Variants in JAKMIP1 observed in about 807,000 individuals in gnomAD.
JAKMIP1 encodes janus kinase and microtubule interacting protein 1.
In JAKMIP1, 33 loss-of-function variants were observed where a neutral mutation model predicts 113.0. That is an observed-to-expected ratio of 0.29 (90% CI 0.22 to 0.39). The LOEUF (loss-of-function observed/expected upper bound fraction) is 0.39. JAKMIP1 is among the 10% of genes least tolerant of loss of function. JAKMIP1 has a pLI of 1.00. For missense variants in JAKMIP1, 813 were observed against 1,080.5 expected, an observed-to-expected ratio of 0.75 and a Z score of 3.47; for synonymous variants, 480 against 459.9, an observed-to-expected ratio of 1.04 and a Z score of -0.56.
intron 3 of JAKMIP1, among the ~76,000 whole-genome samples, chr4:6,099,450 C>G (rs1712639087): frequency 6.6e-6 from 1 of 152,252 alleles, no homozygotes; most frequent in African/African-American, 2.4e-5. Context: ...CCCCCTCAGA[C>G]AAGACTGAAG....
chr4:6,187,002 A>AT lies in JAKMIP1; in HGVS notation c.-148+13250dup, dbSNP rs930625858. On this transcript the variant is annotated intron_variant, in intron 1 of 20. Coordinates refer to ENST00000409021, the MANE Select transcript of JAKMIP1 (RefSeq NM_001099433.2). The surrounding 1 kb of genome is among the most constrained non-coding windows in gnomAD (Gnocchi z 4.2). ...CAACACCATGCCTGGCTAATTTTGT[A>AT]TTTTTTTTGTAGAGACAGAGTTTCA... Among the ~76,000 whole-genome samples the AT allele has an allele frequency of 1.3e-4, 19 of 151,640 alleles. No individual in the cohort carries two copies. Among genetic ancestry groups the AT allele is most frequent in the South Asian group, 2.1e-4 (1 of 4,786 alleles).
rs957034989 is a variant in JAKMIP1, at chr4:6,140,962, T to C, written c.-147-27965A>G. Among the ~76,000 whole-genome samples, 1 of 152,154 alleles carries C rather than the reference T, an allele frequency of 6.6e-6. No individual in the cohort carries two copies. Among genetic ancestry groups the C allele is most frequent in the Non-Finnish European group, 1.5e-5 (1 of 68,034 alleles). Reference sequence around the variant, plus strand: ...CTGAGGTCCAAAGAGGGAAAATCACTTGCCTAAGACCCCAGAGCTGGGTGA... The same window carrying C: ...CTGAGGTCCAAAGAGGGAAAATCACCTGCCTAAGACCCCAGAGCTGGGTGA... On this transcript the variant is annotated intron_variant, in intron 1 of 20. Transcript: ENST00000409021. The surrounding 1 kb of genome is among the most constrained non-coding windows in gnomAD (Gnocchi z 9.4).
Position 6,051,426 on chromosome 4 carries a change from CG to C in JAKMIP1, c.1807-748del, listed in dbSNP as rs1715646905. Among the ~76,000 whole-genome samples, 1 of 152,010 alleles carries C rather than the reference CG, an allele frequency of 6.6e-6. No homozygotes were observed. Among genetic ancestry groups the C allele is most frequent in the African/African-American group, 2.4e-5 (1 of 41,398 alleles). On this transcript the variant is annotated intron_variant, in intron 13 of 20. Transcript: ENST00000409021. The surrounding 1 kb of genome is among the most constrained non-coding windows in gnomAD (Gnocchi z 5.0). ...GATTTTGTTTCTTTTTTAGTAGAGA[CG>C]GGGTTTCACCATGTTGGCCAGGCTG...
At chr4:6,053,758 T>C in intron 13 of JAKMIP1, 1 of 1,229,576 alleles carries the variant, frequency 8.1e-7, no homozygotes, top group African/African-American at 1.6e-5. Flanking sequence ...GGCAAAATAT[T>C]GCAAAAACAA....
intron 1 of JAKMIP1, among the ~76,000 whole-genome samples, chr4:6,175,964 A>G (rs2109031213): frequency 6.6e-6 from 1 of 152,314 alleles, no homozygotes; most frequent in South Asian, 2.1e-4. Flanking sequence ...TAAATTGAGA[A>G]TCTTTACAGC....
chr4:6,082,431 T>C (rs1232568687), intron 5 of JAKMIP1, among the ~76,000 whole-genome samples: 2 of 151,916 alleles, frequency 1.3e-5, no homozygotes, highest in African/African-American at 2.4e-5. Context: ...CTTGAACCTT[T>C]ATGTAAAGTC....
chr4:6,092,362 A>C (rs1223345710), intron 3 of JAKMIP1, among the ~76,000 whole-genome samples: 1 of 152,230 alleles, frequency 6.6e-6, no homozygotes, highest in Non-Finnish European at 1.5e-5. Flanking sequence ...CACTGGGCGA[A>C]GAACCATTTC....
rs1721166321 is a variant in JAKMIP1, at chr4:6,085,538, T to C, written c.716A>G (p.Gln239Arg). 1 of 1,614,112 alleles carries C rather than the reference T, an allele frequency of 6.2e-7. No individual in the cohort carries two copies. The highest frequency in any genetic ancestry group is 1.3e-5 in the African/African-American group (1 of 74,938). Residue 239 changes from glutamine to arginine, a missense_variant, in exon 4 of 21, where the codon CAG (glutamine) becomes CGG (arginine). By Grantham distance (43) the Gln-to-Arg change is conservative (BLOSUM62 1). Transcript: ENST00000409021. ...QAGQTQKLLL[Q>R]KEALDEQLVQ... ...CAGCTGCTCATCCAAAGCCTCTTTC[T>C]GCAGAAGCAGCTTCTGGGTCTGCCC...
chr4:6,061,674 G>T lies in JAKMIP1; in HGVS notation c.1560+638C>A, dbSNP rs1203861889. 6.9e-6 allele frequency among the ~76,000 whole-genome samples: 1 copy of T among 145,892 alleles called. No homozygotes were observed. Among genetic ancestry groups the T allele is most frequent in the Non-Finnish European group, 1.5e-5 (1 of 65,706 alleles). On this transcript the variant is annotated intron_variant, in intron 10 of 20. Coordinates refer to ENST00000409021, the MANE Select transcript of JAKMIP1 (RefSeq NM_001099433.2). This position sits in a 1 kb window ranked among gnomAD's most constrained non-coding sequence, Gnocchi z 5.3. ...GGGTTAATTCCTCCTGCTTCAGGGG[G>T]CCAGTGTGGGGGTGAGATGGGGGAG...
chr4:6,174,142 C>G (rs1026845335), intron 1 of JAKMIP1, among the ~76,000 whole-genome samples: 1 of 152,148 alleles, frequency 6.6e-6, no homozygotes, highest in African/African-American at 2.4e-5. Flanking sequence ...ATTTCCTACT[C>G]GAACATCACC....
chr4:6,171,249 C>T (rs372677814), intron 1 of JAKMIP1, among the ~76,000 whole-genome samples: 1,957 of 147,096 alleles, frequency 0.013, 17 homozygotes, highest in African/African-American at 0.018. Flanking sequence ...ATACCACCAT[C>T]ACCATCACAC....
chr4:6,160,501 C>T (rs906055003), intron 1 of JAKMIP1, among the ~76,000 whole-genome samples: 7 of 152,042 alleles, frequency 4.6e-5, no homozygotes, highest in Admixed American at 1.3e-4. Context: ...CTCGAGCCCT[C>T]GCTTCCCTCC....
rs1459631326 is a variant in JAKMIP1, at chr4:6,143,462, T to C, written c.-147-30465A>G. ...CAACGGGTCCCCTCTGGAGCCAGCA[T>C]GTGCCACCTCACACTCCACAATGGG... On this transcript the variant is annotated intron_variant, in intron 1 of 20. Transcript: ENST00000409021. The surrounding 1 kb of genome is among the most constrained non-coding windows in gnomAD (Gnocchi z 4.9). Among the ~76,000 whole-genome samples the C allele has an allele frequency of 2.0e-5, 3 of 152,174 alleles. No homozygotes were observed. Among genetic ancestry groups the C allele is most frequent in the South Asian group, 2.1e-4 (1 of 4,820 alleles).
chr4:6,096,516 T>G lies in JAKMIP1; in HGVS notation c.624+8957A>C, dbSNP rs142396073. On this transcript the variant is annotated intron_variant, in intron 3 of 20. Coordinates refer to ENST00000409021, the MANE Select transcript of JAKMIP1 (RefSeq NM_001099433.2). ...GCATCAAATACTCTGTTGAGGAAAC[T>G]GGGGGTAAAATAATATTTGTCATTA... 7.9e-5 allele frequency among the ~76,000 whole-genome samples: 12 copies of G among 152,342 alleles called. No individual in the cohort carries two copies. In the East Asian group the frequency reaches 1.5e-3, roughly 20 times the overall value.
Position 6,194,821 on chromosome 4 carries a change from G to A in JAKMIP1, c.-148+5432C>T, listed in dbSNP as rs116267107. Among the ~76,000 whole-genome samples the A allele has an allele frequency of 0.027, 4,158 of 152,246 alleles. 80 individuals are homozygous for A. The highest frequency in any genetic ancestry group is 0.049 in the Admixed American group (744 of 15,296). On this transcript the variant is annotated intron_variant, in intron 1 of 20. Coordinates refer to ENST00000409021, the MANE Select transcript of JAKMIP1 (RefSeq NM_001099433.2). This position sits in a 1 kb window ranked among gnomAD's most constrained non-coding sequence, Gnocchi z 7.4. ...AGGAGAGCAGGCAGCCTGTACCCAG[G>A]TCCTCCCAGGCCAGTTGGGAGTTTT... is the stretch of plus-strand genomic sequence containing the variant.
Position 6,199,022 on chromosome 4 carries a change from T to C in JAKMIP1, c.-148+1231A>G, listed in dbSNP as rs1053480238. Among the ~76,000 whole-genome samples, 11 of 152,326 alleles carry C rather than the reference T, an allele frequency of 7.2e-5. No individual in the cohort carries two copies. Among genetic ancestry groups the C allele is most frequent in the Admixed American group, 2.6e-4 (4 of 15,306 alleles). On this transcript the variant is annotated intron_variant, in intron 1 of 20. Coordinates refer to ENST00000409021, the MANE Select transcript of JAKMIP1 (RefSeq NM_001099433.2). The surrounding 1 kb of genome is among the most constrained non-coding windows in gnomAD (Gnocchi z 5.6). ...CTGGAAGGCAGAGGCCATCAGATGG[T>C]AACAGCATCCTGGGACAGCGCCACG...
At chr4:6,160,148 G>T (rs1003930951) in intron 1 of JAKMIP1, among the ~76,000 whole-genome samples, 1 of 152,114 alleles carries the variant, frequency 6.6e-6, no homozygotes, top group Admixed American at 6.5e-5. Context: ...ACAGGAGAGG[G>T]TAAGTTCAGG....
At position 6,031,750 on chromosome 4, in the gene JAKMIP1, G is replaced by A. The variant is rs1044656379; in HGVS notation, c.2380-1969C>T. 5.3e-5 allele frequency among the ~76,000 whole-genome samples: 8 copies of A among 152,082 alleles called. No individual in the cohort carries two copies. Among genetic ancestry groups the A allele is most frequent in the Non-Finnish European group, 7.4e-5 (5 of 68,014 alleles). ...CAGAATGGATTCCACGAAGGAGACA[G>A]AAAAAAAGATGATTCTCTCAGATCT... On this transcript the variant is annotated intron_variant, in intron 19 of 20. Coordinates refer to ENST00000409021, the MANE Select transcript of JAKMIP1 (RefSeq NM_001099433.2). The surrounding 1 kb of genome is among the most constrained non-coding windows in gnomAD (Gnocchi z 4.4).
intron 3 of JAKMIP1, among the ~76,000 whole-genome samples, chr4:6,099,731 C>T (rs747267887): frequency 6.6e-6 from 1 of 152,212 alleles, no homozygotes; most frequent in Non-Finnish European, 1.5e-5. Flanking sequence ...TGCAGAACCT[C>T]CTTTAGCATT....
Sources: allele counts gnomAD v4.1 joint callset (sites outside exome capture counted in the v4.1 genomes callset), GRCh38; gene constraint gnomAD v4.1.1; non-coding constraint Gnocchi (gnomAD v3.1); transcripts MANE v1.5; gene names NCBI Gene and HGNC (gene_info 2026-07-23, HGNC 2026-07-21).